Variants in DACH1 observed in about 807,000 individuals in gnomAD.
DACH1 encodes dachshund homolog 1.
DACH1 carries 12 observed loss-of-function variants against 54.2 expected under a neutral mutation model. The ratio of observed to expected loss-of-function variants is 0.22; its 90% CI spans 0.14 to 0.36. DACH1 has a LOEUF of 0.36. Ranked by LOEUF, DACH1 falls within the 10% of genes least tolerant of loss-of-function variation. DACH1 has a pLI of 1.00. For missense variants in DACH1, 805 were observed against 929.8 expected (o/e 0.87, Z 1.75); for synonymous variants, 386 against 366.2 (o/e 1.05, Z -0.62).
chr13:71,533,612 A>G (rs1231370275), intron 6 of DACH1, among the ~76,000 whole-genome samples: 1 of 151,980 alleles, frequency 6.6e-6, no homozygotes, highest in Non-Finnish European at 1.5e-5. Flanking sequence ...TTCCTATAAA[A>G]CAGCTTGATA....
At chr13:71,791,756 G>C (rs1338339292) in intron 1 of DACH1, among the ~76,000 whole-genome samples, 1 of 152,158 alleles carries the variant, frequency 6.6e-6, no homozygotes, top group Non-Finnish European at 1.5e-5. Context: ...ATAATATTTT[G>C]ATGGGCAATA....
intron 1 of DACH1, among the ~76,000 whole-genome samples, chr13:71,860,407 A>G (rs1217650766): frequency 1.3e-5 from 2 of 150,960 alleles, no homozygotes; most frequent in African/African-American, 4.9e-5. Context: ...AGCCAATAAT[A>G]TCCATTTTTA....
At chr13:71,739,217 A>G (rs990203526) in intron 1 of DACH1, among the ~76,000 whole-genome samples, 3 of 152,134 alleles carry the variant, frequency 2.0e-5, no homozygotes, top group African/African-American at 7.2e-5. Context: ...GCGCCATTGC[A>G]TTCCAGCCTG....
chr13:71,852,585 AG>A (rs1873745246), intron 1 of DACH1, among the ~76,000 whole-genome samples: 1 of 152,230 alleles, frequency 6.6e-6, no homozygotes, highest in Non-Finnish European at 1.5e-5. Context: ...CACCCAATTA[AG>A]GGTAAGTTTA....
At chr13:71,720,765 T>C (rs1352564975) in intron 1 of DACH1, among the ~76,000 whole-genome samples, 3 of 152,170 alleles carry the variant, frequency 2.0e-5, no homozygotes, top group African/African-American at 7.2e-5. Context: ...ACATGATACA[T>C]GATAGCAGAC....
chr13:71,564,873 G>A (rs753617223), intron 4 of DACH1, among the ~76,000 whole-genome samples: 12 of 151,978 alleles, frequency 7.9e-5, no homozygotes, highest in Admixed American at 2.0e-4. Flanking sequence ...TTCTCTAACT[G>A]AACAGGATAT....
chr13:71,480,515 T>A (rs1271282332), intron 7 of DACH1, among the ~76,000 whole-genome samples: 1 of 152,162 alleles, frequency 6.6e-6, no homozygotes, highest in African/African-American at 2.4e-5. Context: ...CTAAGATACT[T>A]TGAAACAGTT....
intron 3 of DACH1, among the ~76,000 whole-genome samples, chr13:71,594,592 G>T (rs1873961675): frequency 6.6e-6 from 1 of 152,068 alleles, no homozygotes; most frequent in Non-Finnish European, 1.5e-5. Flanking sequence ...GAAGTGATGT[G>T]TAGCTCCTAG....
intron 3 of DACH1, among the ~76,000 whole-genome samples, chr13:71,604,566 A>G (rs1297322263): frequency 6.6e-6 from 1 of 151,982 alleles, no homozygotes; most frequent in Non-Finnish European, 1.5e-5. Context: ...ATAAGCTTCC[A>G]ATAATATGGT....
intron 1 of DACH1, among the ~76,000 whole-genome samples, chr13:71,828,006 C>T (rs1306852070): frequency 6.6e-6 from 1 of 151,904 alleles, no homozygotes; most frequent in African/African-American, 2.4e-5. Context: ...CTTCTGATAG[C>T]TTTTGATTAA....
intron 1 of DACH1, among the ~76,000 whole-genome samples, chr13:71,690,340 T>G (rs983106652): frequency 6.6e-6 from 1 of 152,224 alleles, no homozygotes; most frequent in Non-Finnish European, 1.5e-5. Context: ...GCAAATTTCA[T>G]TTAGTGGCAT....
At chr13:71,598,110 G>C (rs1874238812) in intron 3 of DACH1, among the ~76,000 whole-genome samples, 1 of 151,458 alleles carries the variant, frequency 6.6e-6, no homozygotes, top group African/African-American at 2.4e-5. Context: ...AATAAGATAG[G>C]AAAAAAAGAG....
intron 3 of DACH1, among the ~76,000 whole-genome samples, chr13:71,617,833 A>T (rs1274554388): frequency 6.6e-6 from 1 of 152,126 alleles, no homozygotes; most frequent in Non-Finnish European, 1.5e-5. Flanking sequence ...AGCAATCAAT[A>T]AAAAAAGTAC....
intron 1 of DACH1, among the ~76,000 whole-genome samples, chr13:71,731,510 C>T (rs1047213739): frequency 1.2e-4 from 18 of 152,234 alleles, no homozygotes; most frequent in African/African-American, 4.3e-4. Flanking sequence ...GTCTCGATCT[C>T]CTGACCTCGT....
intron 1 of DACH1, among the ~76,000 whole-genome samples, chr13:71,731,894 A>G (rs1295503817): frequency 2.0e-5 from 3 of 152,180 alleles, no homozygotes; most frequent in Non-Finnish European, 1.5e-5. Context: ...AGATCATTTC[A>G]ATACTCTTTT....
chr13:71,634,978 A>G (rs1877367701), intron 2 of DACH1, among the ~76,000 whole-genome samples: 3 of 152,314 alleles, frequency 2.0e-5, no homozygotes, highest in Admixed American at 2.0e-4. Context: ...CAAGGAGAGT[A>G]GGATTAGGAT....
intron 2 of DACH1, among the ~76,000 whole-genome samples, chr13:71,658,220 G>A (rs1029906848): frequency 5.3e-5 from 8 of 152,070 alleles, no homozygotes; most frequent in African/African-American, 1.9e-4. Context: ...TATATTTATT[G>A]TTTCATTGAA....
Position 71,735,311 on chromosome 13 carries a change from T to C in DACH1, c.849-53401A>G, listed in dbSNP as rs548048754. Among the ~76,000 whole-genome samples the C allele has an allele frequency of 7.7e-3, 334 of 43,630 alleles. 20 individuals carry two copies. The highest frequency in any genetic ancestry group is 0.015 in the African/African-American group (299 of 19,696). The allele number at this position is 43,630 out of a possible 152,430, so 28.6% of individuals were successfully genotyped here. A position where few individuals can be genotyped will look rare whatever the true frequency, so the allele number is the denominator to read the frequency against. Reference sequence around the variant, plus strand: ...GATATACACGTATACGGGATATACGTGTATATGGGATATACACGTATACGG... The same window carrying C: ...GATATACACGTATACGGGATATACGCGTATATGGGATATACACGTATACGG... On this transcript the variant is annotated intron_variant, in intron 1 of 10. Coordinates refer to ENST00000613252, the MANE Select transcript of DACH1 (RefSeq NM_080759.6).
intron 6 of DACH1, among the ~76,000 whole-genome samples, chr13:71,522,689 A>G (rs1881691309): frequency 3.9e-5 from 6 of 152,046 alleles, no homozygotes. Context: ...TATTTTTATT[A>G]TTCTTTTACT....
Sources: allele counts gnomAD v4.1 joint callset (sites outside exome capture counted in the v4.1 genomes callset), GRCh38; gene constraint gnomAD v4.1.1; transcripts MANE v1.5; gene names NCBI Gene and HGNC (gene_info 2026-07-23, HGNC 2026-07-21).